TMEM184B: variants seen among roughly 807,000 people sequenced by gnomAD.
The protein encoded by TMEM184B is putative MAPK-activating protein FM08.
A neutral mutation model predicts 41.8 loss-of-function variants in TMEM184B; 17 were observed. That is an observed-to-expected ratio of 0.41 (90% CI 0.28 to 0.61). TMEM184B has a LOEUF of 0.61. Ranked by LOEUF, TMEM184B falls within the 20% of genes least tolerant of loss-of-function variation. The pLI is 0.34. For missense variants in TMEM184B, 393 were observed against 557.8 expected (o/e 0.70, Z 2.98); for synonymous variants, 240 against 229.5 (o/e 1.05, Z -0.41).
intron 8 of TMEM184B, 114 bp downstream of exon 8, chr22:38,224,671 A>T: frequency 9.4e-7 from 1 of 1,064,180 alleles, no homozygotes; most frequent in Non-Finnish European, 1.3e-6. Context: ...TAGAGTGGGG[A>T]TCCCATGTCC....
intron 1 of TMEM184B, chr22:38,272,608 A>G (rs889242010): frequency 2.0e-6 from 2 of 985,464 alleles, no homozygotes; most frequent in Non-Finnish European, 2.4e-6. Flanking sequence ...GACAGGTCCG[A>G]TTACACTCCA....
intron 2 of TMEM184B, 84 bp from the exon 3 acceptor site, chr22:38,246,184 AC>A (rs1270207661): frequency 2.6e-6 from 4 of 1,517,172 alleles, no homozygotes; most frequent in Non-Finnish European, 3.6e-6. Context: ...TCTGCCACCG[AC>A]TCATCTGTGA....
intron 1 of TMEM184B, among the ~76,000 whole-genome samples, chr22:38,265,175 T>C (rs1450433226): frequency 2.6e-5 from 4 of 152,152 alleles, no homozygotes; most frequent in Non-Finnish European, 4.4e-5. Context: ...GCCTGTCTCA[T>C]TCCTCTGTGT....
intron 1 of TMEM184B, among the ~76,000 whole-genome samples, chr22:38,251,775 C>A (rs1042727089): frequency 6.6e-6 from 1 of 152,196 alleles, no homozygotes; most frequent in African/African-American, 2.4e-5. Context: ...CCTCTTTACT[C>A]CCGTGGGGAA....
At position 38,243,432 on chromosome 22, in the gene TMEM184B, T is replaced by C. The variant is rs575564019; in HGVS notation, c.358+2503A>G. On this transcript the variant is annotated intron_variant, in intron 3 of 8. Transcript: ENST00000361906. ...CCCCGACCACACAGGAGAGGCCACC[T>C]TGGCAGGGAACAGCTTTGTGCTTCT... Among the ~76,000 whole-genome samples, 4 of 152,136 alleles carry C rather than the reference T, an allele frequency of 2.6e-5. No individual in the cohort carries two copies. The East Asian group carries it at 7.8e-4, about 30-fold the overall frequency.
intron 1 of TMEM184B, among the ~76,000 whole-genome samples, chr22:38,268,374 C>CAA (rs34786032): frequency 0.51 from 62,264 of 121,168 alleles, 15,739 homozygotes; most frequent in Middle Eastern, 0.64. Context: ...GACCCTGTCT[C>CAA]AAAAAAAAAA....
At chr22:38,249,242 C>T (rs983450993) in intron 1 of TMEM184B, among the ~76,000 whole-genome samples, 9 of 152,172 alleles carry the variant, frequency 5.9e-5, no homozygotes, top group Admixed American at 4.6e-4. Context: ...TTCCGCCTCC[C>T]GGGCTCAAGA....
chr22:38,267,080 T>C (rs889089767), intron 1 of TMEM184B, among the ~76,000 whole-genome samples: 2 of 128,760 alleles, frequency 1.6e-5, no homozygotes, highest in Non-Finnish European at 1.7e-5. Context: ...CAAAACTCTG[T>C]CTCAAAAAAA....
In TMEM184B at chr22:38,220,135, A is replaced by AT; in HGVS notation, c.*1333_*1334insA. On this transcript the variant is annotated 3_prime_UTR_variant, in exon 9 of 9. Transcript: ENST00000361906. ...TTTGCCTGTAGGGACACGTGTTGTG[A>AT]CACGAGGCTCTTCCTAAGTCAGGAG... 2 of 985,354 alleles carry AT rather than the reference A, an allele frequency of 2.0e-6. No homozygotes were observed. Among genetic ancestry groups the AT allele is most frequent in the Non-Finnish European group, 2.4e-6 (2 of 829,932 alleles). The allele number at this position is 985,354 out of a possible 1,614,324, so 61.0% of individuals were successfully genotyped here.
At chr22:38,233,646 C>T (rs1407099948) in intron 3 of TMEM184B, among the ~76,000 whole-genome samples, 1 of 152,240 alleles carries the variant, frequency 6.6e-6, no homozygotes, top group Admixed American at 6.5e-5. Flanking sequence ...TAAGCCAAAC[C>T]TGATGTCAGC....
intron 5 of TMEM184B, among the ~76,000 whole-genome samples, chr22:38,229,026 G>A (rs2091533288): frequency 1.3e-5 from 2 of 152,234 alleles, no homozygotes; most frequent in Non-Finnish European, 2.9e-5. Flanking sequence ...GTGAGATTCT[G>A]AATTTAGGAA....
At chr22:38,272,435 C>T (rs1218230121) in intron 1 of TMEM184B, 1 of 982,460 alleles carries the variant, frequency 1.0e-6, no homozygotes, top group East Asian at 1.1e-4. Flanking sequence ...CCCGAAAGCC[C>T]CCCGCCGACC....
intron 3 of TMEM184B, among the ~76,000 whole-genome samples, chr22:38,244,058 C>T (rs2091971934): frequency 1.3e-5 from 2 of 152,130 alleles, no homozygotes; most frequent in African/African-American, 4.8e-5. Flanking sequence ...GGCTGGGAAG[C>T]ACCTGCCTGA....
intron 1 of TMEM184B, among the ~76,000 whole-genome samples, chr22:38,252,016 C>A (rs529802184): frequency 6.6e-6 from 1 of 151,946 alleles, no homozygotes; most frequent in East Asian, 1.9e-4. Flanking sequence ...CCACCTCAGT[C>A]TCCCAAGCAG....
intron 8 of TMEM184B, 169 bp from the exon 9 acceptor site, chr22:38,221,879 G>GA (rs1251725281): frequency 5.0e-6 from 5 of 996,862 alleles, no homozygotes; most frequent in Non-Finnish European, 7.1e-6. Context: ...GAAGGGGCAG[G>GA]AAAAAATGGA....
chr22:38,251,900 T>TG (rs1178877241), intron 1 of TMEM184B, among the ~76,000 whole-genome samples: 2 of 151,502 alleles, frequency 1.3e-5, no homozygotes, highest in African/African-American at 2.4e-5. Context: ...GATGCTGTTT[T>TG]TTTTTTTTTT....
intron 1 of TMEM184B, among the ~76,000 whole-genome samples, chr22:38,266,323 T>C (rs1452434950): frequency 6.6e-6 from 1 of 152,196 alleles, no homozygotes; most frequent in African/African-American, 2.4e-5. Context: ...ACCACAACCT[T>C]GGGAGCTAAA....
Position 38,272,412 on chromosome 22 carries a change from C to T in TMEM184B, c.-59+472G>A, listed in dbSNP as rs976862236. ...GTGTGGCGGGCGTGTACACCCTCCA[C>T]TCACGACGCAGCCCCGAAAGCCCCC... On this transcript the variant is annotated intron_variant, in intron 1 of 8. Transcript: ENST00000361906. 9.5e-6 allele frequency: 9 copies of T among 951,260 alleles called. No individual in the cohort carries two copies. In the African/African-American group the frequency reaches 1.1e-4, roughly 11 times the overall value. The allele number at this position is 951,260 out of a possible 1,614,324, so 58.9% of individuals were successfully genotyped here.
At chr22:38,244,915 G>A (rs1336491496) in intron 3 of TMEM184B, among the ~76,000 whole-genome samples, 2 of 152,198 alleles carry the variant, frequency 1.3e-5, no homozygotes, top group African/African-American at 2.4e-5. Flanking sequence ...GTCTCCTTGT[G>A]GTGACTGTTT....
Sources: allele counts gnomAD v4.1 joint callset (sites outside exome capture counted in the v4.1 genomes callset), GRCh38; gene constraint gnomAD v4.1.1; transcripts MANE v1.5; gene names NCBI Gene and HGNC (gene_info 2026-07-23, HGNC 2026-07-21).